The following LINGO2 variants were observed in gnomAD, a reference collection of about 807,000 sequenced individuals.
The protein encoded by LINGO2 is leucine-rich repeat and immunoglobulin-like domain-containing nogo receptor-interacting protein 2.
LINGO2 carries 14 observed loss-of-function variants against 30.6 expected under a neutral mutation model. The ratio of observed to expected loss-of-function variants is 0.46; its 90% CI spans 0.30 to 0.72. The LOEUF (loss-of-function observed/expected upper bound fraction) is 0.72, where lower values mean the gene tolerates loss of function less well. LINGO2 is among the 30% of genes least tolerant of loss of function. LINGO2 has a pLI of 0.07. For synonymous variants in LINGO2, 317 were observed against 288.5 expected (o/e 1.10, Z -1.00); for missense variants, 729 against 751.7 (o/e 0.97, Z 0.35).
At position 28,065,334 on chromosome 9, in the gene LINGO2, C is replaced by T. The variant is rs183101682; in HGVS notation, c.-86-52929G>A. Reference sequence around the variant, plus strand: ...CCAGTCTCTAGAACAATGTCTGGTACCAAGCAAGTTCTTTTCAAAATACTT... The same window carrying T: ...CCAGTCTCTAGAACAATGTCTGGTATCAAGCAAGTTCTTTTCAAAATACTT... On this transcript the variant is annotated intron_variant, in intron 4 of 5. Transcript: ENST00000379992. Among the ~76,000 whole-genome samples, 12 of 152,110 alleles carry T rather than the reference C, an allele frequency of 7.9e-5. No homozygotes were observed. In the East Asian group the frequency reaches 1.5e-3, roughly 20 times the overall value.
At chr9:28,959,612 T>TCTCTCACACA in the LINGO2 span, among the ~76,000 whole-genome samples, 6,611 of 131,838 alleles carry the variant, frequency 0.05, 201 homozygotes, top group Non-Finnish European at 0.063. Flanking sequence ...TCTCTCTCCC[T>TCTCTCACACA]CACACACACA....
chr9:27,978,517 T>C (rs1820710716), intron 5 of LINGO2, among the ~76,000 whole-genome samples: 2 of 152,122 alleles, frequency 1.3e-5, no homozygotes, highest in African/African-American at 4.8e-5. Flanking sequence ...CCCTCACCCC[T>C]TTCCACCATG....
Position 28,425,334 on chromosome 9 carries a change from T to TAC in LINGO2, c.-279+50605_-279+50606insGT, listed in dbSNP as rs950741813. ...CACAGTATATATGTGTGTGTGTATA[T>TAC]ATATATATATAAACACATACATATA... On this transcript the variant is annotated intron_variant, in intron 2 of 5. Transcript: ENST00000379992. Among the ~76,000 whole-genome samples the TAC allele has an allele frequency of 2.0e-5, 3 of 149,152 alleles. No homozygotes were observed. The Admixed American group carries it at 2.0e-4, about 10-fold the overall frequency.
chr9:28,390,157 C>G (rs1392308884), intron 2 of LINGO2, among the ~76,000 whole-genome samples: 1 of 152,130 alleles, frequency 6.6e-6, no homozygotes, highest in Non-Finnish European at 1.5e-5. Flanking sequence ...GAGCTGTATC[C>G]TACCTCAGCT....
At chr9:29,002,802 G>A in the LINGO2 span, among the ~76,000 whole-genome samples, 148 of 152,038 alleles carry the variant, frequency 9.7e-4, no homozygotes, top group African/African-American at 3.3e-3. Context: ...TAATTATTGT[G>A]TAGTGTCCTT....
chr9:27,963,099 G>A (rs796096071), intron 5 of LINGO2, among the ~76,000 whole-genome samples: 2 of 152,238 alleles, frequency 1.3e-5, no homozygotes, highest in African/African-American at 4.8e-5. Context: ...TTCTGATTTT[G>A]ACATTTGTTA....
chr9:28,727,199 C>G, the LINGO2 span, among the ~76,000 whole-genome samples: 6 of 152,088 alleles, frequency 3.9e-5, no homozygotes, highest in Non-Finnish European at 7.4e-5. Flanking sequence ...TTGACAGAGG[C>G]CCCAAACTAT....
chr9:29,057,589 A>C, the LINGO2 span, among the ~76,000 whole-genome samples: 1 of 152,102 alleles, frequency 6.6e-6, no homozygotes, highest in African/African-American at 2.4e-5. Flanking sequence ...ACAGAGACTG[A>C]GTTTGGGGCT....
At chr9:28,458,274 C>A (rs371687358) in intron 2 of LINGO2, among the ~76,000 whole-genome samples, 12 of 152,268 alleles carry the variant, frequency 7.9e-5, no homozygotes, top group African/African-American at 2.2e-4. Context: ...ATTTCTGCAG[C>A]TGGATTATAT....
At chr9:28,135,157 A>G (rs894883706) in intron 4 of LINGO2, among the ~76,000 whole-genome samples, 1 of 152,246 alleles carries the variant, frequency 6.6e-6, no homozygotes, top group Non-Finnish European at 1.5e-5. Context: ...CAAGAAAAAA[A>G]TCACAATGAG....
intron 1 of LINGO2, among the ~76,000 whole-genome samples, chr9:28,603,113 T>A (rs1825557855): frequency 6.6e-6 from 1 of 152,080 alleles, no homozygotes. Flanking sequence ...TTTACAAGTA[T>A]GTGTTTAAAA....
chr9:29,188,365 CAGA>C, the LINGO2 span, among the ~76,000 whole-genome samples: 1 of 152,064 alleles, frequency 6.6e-6, no homozygotes. Flanking sequence ...GATCCCAAGG[CAGA>C]AGAATTTTTC....
chr9:28,934,466 G>A, the LINGO2 span, among the ~76,000 whole-genome samples: 1 of 152,052 alleles, frequency 6.6e-6, no homozygotes, highest in African/African-American at 2.4e-5. Context: ...TTTATGTCAA[G>A]GGCTTATGTC....
At chr9:28,581,243 CTG>C (rs137910018) in intron 1 of LINGO2, among the ~76,000 whole-genome samples, 8 of 150,306 alleles carry the variant, frequency 5.3e-5, no homozygotes, top group East Asian at 2.0e-4. Flanking sequence ...TTGTGTGCCT[CTG>C]TGTGTGTGTG....
At chr9:27,983,781 C>T (rs1009163324) in intron 5 of LINGO2, among the ~76,000 whole-genome samples, 5 of 151,862 alleles carry the variant, frequency 3.3e-5, no homozygotes, top group African/African-American at 1.2e-4. Context: ...GCAATTCCCA[C>T]CGTGGTTTGT....
rs116694289 is a variant in LINGO2 at position 28,463,069 on chromosome 9, C to T, written c.-279+12871G>A. Among the ~76,000 whole-genome samples the T allele has an allele frequency of 6.1e-3, 933 of 151,946 alleles. 13 individuals carry two copies. The highest frequency in any genetic ancestry group is 0.021 in the African/African-American group (889 of 41,504). ...TTACAAAAGACACTTCTGTTTTACA[C>T]TATTATCCTCAGGGAGTGATTAATA... is the stretch of plus-strand genomic sequence containing the variant. On this transcript the variant is annotated intron_variant, in intron 2 of 5. Transcript: ENST00000379992.
chr9:29,158,934 A>C, the LINGO2 span, among the ~76,000 whole-genome samples: 4 of 152,306 alleles, frequency 2.6e-5, no homozygotes, highest in African/African-American at 7.2e-5. Flanking sequence ...CCTAAATGTT[A>C]CTAAGAGTTA....
intron 1 of LINGO2, among the ~76,000 whole-genome samples, chr9:28,656,296 T>C (rs911292147): frequency 1.3e-5 from 2 of 151,916 alleles, no homozygotes; most frequent in African/African-American, 2.4e-5. Flanking sequence ...TGCGTTATCC[T>C]ATAAAAAAGG....
intron 4 of LINGO2, among the ~76,000 whole-genome samples, chr9:28,221,233 G>T (rs1348233468): frequency 1.3e-5 from 2 of 150,700 alleles, no homozygotes; most frequent in East Asian, 3.9e-4. Context: ...CCAGGAGGCG[G>T]AGCTTGCAGT....
Sources: allele counts gnomAD v4.1 joint callset (sites outside exome capture counted in the v4.1 genomes callset), GRCh38; gene constraint gnomAD v4.1.1; transcripts MANE v1.5; gene names NCBI Gene and HGNC (gene_info 2026-07-23, HGNC 2026-07-21).